Variants in GRIN3A observed in about 807,000 individuals in gnomAD.
The protein encoded by GRIN3A is glutamate receptor ionotropic, NMDA 3A.
A neutral mutation model predicts 92.4 loss-of-function variants in GRIN3A; 47 were observed. That is an observed-to-expected ratio of 0.51 (90% CI 0.40 to 0.65). GRIN3A has a LOEUF of 0.65. GRIN3A is among the 30% of genes least tolerant of loss of function. The pLI is 0.00. For synonymous variants in GRIN3A, 527 were observed against 540.6 expected, an observed-to-expected ratio of 0.97 and a Z score of 0.35; for missense variants, 1,324 against 1,393.1, an observed-to-expected ratio of 0.95 and a Z score of 0.79.
chr9:101,616,542 A>G (rs1828455968), intron 5 of GRIN3A, among the ~76,000 whole-genome samples: 1 of 152,168 alleles, frequency 6.6e-6, no homozygotes. Flanking sequence ...TATTAGAAAA[A>G]AATACAATCC....
chr9:101,722,368 G>C (rs1830023676), intron 1 of GRIN3A, among the ~76,000 whole-genome samples: 1 of 152,260 alleles, frequency 6.6e-6, no homozygotes, highest in Non-Finnish European at 1.5e-5. Flanking sequence ...ACCTCTGCTA[G>C]GGCAGTGCAG....
chr9:101,723,422 G>A (rs1830039770), intron 1 of GRIN3A, among the ~76,000 whole-genome samples: 1 of 152,300 alleles, frequency 6.6e-6, no homozygotes, highest in East Asian at 1.9e-4. Context: ...AGACCTTCGT[G>A]GTGAGTGTTA....
chr9:101,609,088 T>C (rs1343502212), intron 6 of GRIN3A, among the ~76,000 whole-genome samples: 1 of 152,230 alleles, frequency 6.6e-6, no homozygotes, highest in Non-Finnish European at 1.5e-5. Context: ...TCACGCTTCG[T>C]GATTTGACCC....
At chr9:101,579,750 C>T (rs1273045349) in intron 6 of GRIN3A, among the ~76,000 whole-genome samples, 1 of 152,152 alleles carries the variant, frequency 6.6e-6, no homozygotes, top group Non-Finnish European at 1.5e-5. Context: ...ATAATTCATT[C>T]TTAAGAAGTA....
intron 5 of GRIN3A, among the ~76,000 whole-genome samples, chr9:101,619,896 GT>G (rs1180770124): frequency 2.6e-5 from 4 of 152,052 alleles, no homozygotes; most frequent in Non-Finnish European, 5.9e-5. Flanking sequence ...TGTGCCCCTG[GT>G]TTATGGTTTT....
intron 8 of GRIN3A, among the ~76,000 whole-genome samples, chr9:101,575,181 CT>C (rs1198742193): frequency 2.6e-5 from 4 of 152,150 alleles, no homozygotes; most frequent in African/African-American, 9.7e-5. Context: ...GCCTCATAGT[CT>C]AAGTTTTATA....
chr9:101,634,347 A>AAAG (rs1554719099), intron 3 of GRIN3A, among the ~76,000 whole-genome samples: 1 of 150,364 alleles, frequency 6.7e-6, no homozygotes, highest in Non-Finnish European at 1.5e-5. Context: ...AAAAAAAAAA[A>AAAG]AAAAAGAAAA....
rs371244839 is a variant in GRIN3A, at chr9:101,670,718, T to C, written c.1694A>G (p.Asn565Ser). The C allele has an allele frequency of 5.8e-5, 94 of 1,613,946 alleles. No individual in the cohort carries two copies. The highest frequency in any genetic ancestry group is 7.6e-5 in the Non-Finnish European group (90 of 1,179,982). Reference protein sequence around the residue: ...DSLFSSLHSSNDTVPIKFKKC... With the variant: ...DSLFSSLHSSSDTVPIKFKKC... Reference sequence around the variant, plus strand: ...CTTGAATTTAATGGGCACTGTATCATTACTGCTATGGAGGCTGCTAAAAAG... The same window carrying C: ...CTTGAATTTAATGGGCACTGTATCACTACTGCTATGGAGGCTGCTAAAAAG... The change falls in exon 3 of 9, where the codon AAT becomes AGT. Residue 565 changes from asparagine to serine, a missense_variant. Asn to Ser is a conservative substitution (Grantham distance 46, BLOSUM62 1). Coordinates refer to ENST00000361820, the MANE Select transcript of GRIN3A (RefSeq NM_133445.3).
intron 3 of GRIN3A, among the ~76,000 whole-genome samples, chr9:101,657,041 A>G (rs1253617223): frequency 6.6e-6 from 1 of 151,956 alleles, no homozygotes; most frequent in East Asian, 1.9e-4. Context: ...TATAGAAAAC[A>G]GGAGTATCAT....
chr9:101,692,139 C>G (rs573006373), intron 1 of GRIN3A, among the ~76,000 whole-genome samples: 22 of 152,268 alleles, frequency 1.4e-4, no homozygotes, highest in African/African-American at 5.3e-4. Flanking sequence ...TATTTTCATA[C>G]AATGGTCTCA....
In GRIN3A at chr9:101,737,758, T is replaced by C. The variant is rs1362272657; in HGVS notation, c.222A>G (p.Ala74=). ...AASRAPDDSR[A]GAQRDEPEPG... ...GCTCCGGCTCATCCCTCTGGGCTCC[T>C]GCTCGGCTGTCGTCCGGAGCGCGGC... Residue 74 remains alanine (A), a synonymous_variant, in exon 1 of 9, where the codon GCA becomes GCG. Coordinates refer to ENST00000361820, the MANE Select transcript of GRIN3A (RefSeq NM_133445.3). 4 of 1,528,952 alleles carry C rather than the reference T, an allele frequency of 2.6e-6. No homozygotes were observed. The highest frequency in any genetic ancestry group is 1.4e-5 in the African/African-American group (1 of 72,696). The allele number at this position is 1,528,952 out of a possible 1,614,324, so 94.7% of individuals were successfully genotyped here.
chr9:101,687,981 C>G (rs913717642), intron 1 of GRIN3A, among the ~76,000 whole-genome samples: 1 of 152,194 alleles, frequency 6.6e-6, no homozygotes, highest in East Asian at 1.9e-4. Context: ...TGGAAATAGT[C>G]TTCCAATGAA....
chr9:101,617,177 G>A (rs1405930579), intron 5 of GRIN3A, among the ~76,000 whole-genome samples: 3 of 143,142 alleles, frequency 2.1e-5, no homozygotes, highest in Admixed American at 6.9e-5. Context: ...TCCGCAGTCC[G>A]GCATGGGCGA....
chr9:101,648,687 T>C (rs1361048299), intron 3 of GRIN3A, among the ~76,000 whole-genome samples: 2 of 152,124 alleles, frequency 1.3e-5, no homozygotes, highest in East Asian at 1.9e-4. Context: ...TTTTGCTGAA[T>C]TGACACATTT....
chr9:101,708,468 G>A (rs1367904601), intron 1 of GRIN3A, among the ~76,000 whole-genome samples: 1 of 152,172 alleles, frequency 6.6e-6, no homozygotes, highest in African/African-American at 2.4e-5. Context: ...AGCCATAGTA[G>A]TAGAAAGCAC....
rs60961881 is a variant in GRIN3A, at chr9:101,633,250, A to G, written c.2353-4849T>C. On this transcript the variant is annotated intron_variant, in intron 3 of 8. Transcript: ENST00000361820. The stretch of plus-strand genomic sequence containing the variant: ...CCCATCTGAGATTAGTACTTAATTC[A>G]TCAGTGAAATGTAGTCACTGGACCT... 4.9e-3 allele frequency among the ~76,000 whole-genome samples: 745 copies of G among 152,332 alleles called. 4 individuals are homozygous for G. Among genetic ancestry groups the G allele is most frequent in the African/African-American group, 0.016 (683 of 41,576 alleles).
chr9:101,643,458 A>G (rs1239836435), intron 3 of GRIN3A, among the ~76,000 whole-genome samples: 1 of 152,122 alleles, frequency 6.6e-6, no homozygotes, highest in Non-Finnish European at 1.5e-5. Context: ...GTGGTATTGT[A>G]AAATGATTCA....
intron 3 of GRIN3A, among the ~76,000 whole-genome samples, chr9:101,642,033 A>G (rs899106533): frequency 1.9e-4 from 29 of 152,200 alleles, no homozygotes; most frequent in Non-Finnish European, 8.8e-5. Context: ...ATCTTGAGAA[A>G]AAAGAGCAAA....
At chr9:101,573,593 G>A (rs1463176489) in intron 8 of GRIN3A, 80 bp from the exon 9 acceptor site, 52 of 1,135,342 alleles carry the variant, frequency 4.6e-5, no homozygotes, top group Non-Finnish European at 6.2e-5. Context: ...GCCATTTCCT[G>A]TGCAATAATA....
Sources: allele counts gnomAD v4.1 joint callset (sites outside exome capture counted in the v4.1 genomes callset), GRCh38; gene constraint gnomAD v4.1.1; transcripts MANE v1.5; gene names NCBI Gene and HGNC (gene_info 2026-07-23, HGNC 2026-07-21).